The following RIN3 variants were observed in gnomAD, a reference collection of about 807,000 sequenced individuals.
The protein encoded by RIN3 is Ras and Rab interactor 3.
A neutral mutation model predicts 76.3 loss-of-function variants in RIN3; 54 were observed. The observed-to-expected ratio is 0.71, with a 90% CI of 0.57 to 0.89. The LOEUF is 0.89. RIN3 is among the 40% of genes least tolerant of loss of function. The pLI is 0.00. For missense variants in RIN3, 1,256 were observed against 1,322.1 expected (o/e 0.95, Z 0.78); for synonymous variants, 576 against 564.0 (o/e 1.02, Z -0.30).
chr14:92,570,395 G>A (rs1021409952), intron 2 of RIN3, among the ~76,000 whole-genome samples: 7 of 152,142 alleles, frequency 4.6e-5, no homozygotes, highest in Non-Finnish European at 7.4e-5. Flanking sequence ...AGGCGCGGTG[G>A]CTCACGCCTG....
chr14:92,520,245 C>T (rs1896560145), intron 1 of RIN3, among the ~76,000 whole-genome samples: 1 of 152,232 alleles, frequency 6.6e-6, no homozygotes, highest in African/African-American at 2.4e-5. Flanking sequence ...CGTGACGGCA[C>T]ACACTCAGGC....
At chr14:92,657,819 C>A (rs951928730) in intron 6 of RIN3, among the ~76,000 whole-genome samples, 1 of 152,164 alleles carries the variant, frequency 6.6e-6, no homozygotes, top group African/African-American at 2.4e-5. Context: ...CAGCAAGGGA[C>A]CCAGGATGGC....
At chr14:92,565,318 T>C (rs1277862985) in intron 2 of RIN3, among the ~76,000 whole-genome samples, 1 of 152,106 alleles carries the variant, frequency 6.6e-6, no homozygotes, top group Non-Finnish European at 1.5e-5. Flanking sequence ...AGAGGGGGTC[T>C]GGGGAAGGAA....
intron 7 of RIN3, among the ~76,000 whole-genome samples, chr14:92,674,889 C>CAAAAA (rs34494858): frequency 1.7e-5 from 2 of 118,542 alleles, no homozygotes; most frequent in South Asian, 2.7e-4. Flanking sequence ...AACTCTGTCT[C>CAAAAA]AAAAAAAAAA....
chr14:92,562,420 T>G (rs2140042930), intron 2 of RIN3, among the ~76,000 whole-genome samples: 1 of 152,328 alleles, frequency 6.6e-6, no homozygotes, highest in East Asian at 1.9e-4. Context: ...AATGGGGAAT[T>G]ATGCTCCACC....
In RIN3 at chr14:92,623,028, G is replaced by A. The variant is rs1384253636; in HGVS notation, c.440+7549G>A. 2.0e-5 allele frequency among the ~76,000 whole-genome samples: 3 copies of A among 152,204 alleles called. No homozygotes were observed. The highest frequency in any genetic ancestry group is 1.9e-4 in the East Asian group (1 of 5,204). ...TCTATAAGTCTTTGGACTAGTCCACGAATGCAGGGCATGATGCAGCATCCA... is the reference window on the plus strand; with the variant it reads ...TCTATAAGTCTTTGGACTAGTCCACAAATGCAGGGCATGATGCAGCATCCA... On this transcript the variant is annotated intron_variant, in intron 4 of 9. Coordinates refer to ENST00000216487, the MANE Select transcript of RIN3 (RefSeq NM_024832.5). The surrounding 1 kb of genome is among the most constrained non-coding windows in gnomAD (Gnocchi z 4.9).
rs1241581477 is a variant in RIN3, at chr14:92,676,603, G to T, written c.2464G>T (p.Glu822Ter). 2 of 1,613,178 alleles carry T rather than the reference G, an allele frequency of 1.2e-6. No homozygotes were observed. Among genetic ancestry groups the T allele is most frequent in the Non-Finnish European group, 1.7e-6 (2 of 1,179,652 alleles). Residue 822 changes from glutamate to a stop codon, truncating the protein, a stop_gained, in exon 8 of 10, where the codon GAG becomes TAG. Coordinates refer to ENST00000216487, the MANE Select transcript of RIN3 (RefSeq NM_024832.5). LOFTEE classifies it high-confidence loss of function. Reference sequence around the variant, plus strand: ...CATGGACCCCGCCCTGCAGCTGGGGGAGGGTGAGTCACCACCCCCTGCCCA... The same window carrying T: ...CATGGACCCCGCCCTGCAGCTGGGGTAGGGTGAGTCACCACCCCCTGCCCA... ...ELMDPALQLG[E>*]GSYYLTTTYG...
chr14:92,666,188 C>T (rs1346149573), intron 7 of RIN3, among the ~76,000 whole-genome samples: 5 of 152,212 alleles, frequency 3.3e-5, no homozygotes, highest in African/African-American at 1.2e-4. Flanking sequence ...CACCCACCTG[C>T]CTCATTGCTA....
Position 92,577,354 on chromosome 14 carries a change from T to C in RIN3, c.250-6T>C. On this transcript the variant is annotated splice_polypyrimidine_tract_variant and splice_region_variant and intron_variant, in intron 2 of 9. Coordinates refer to ENST00000216487, the MANE Select transcript of RIN3 (RefSeq NM_024832.5). ...CACGGAGCTGCATCCCCTTCTTTGG[T>C]TTCAGATGTTCCTGGTTCGCCGGGA... The C allele has an allele frequency of 6.2e-7, 1 of 1,607,976 alleles. No individual in the cohort carries two copies. Among genetic ancestry groups the C allele is most frequent in the Middle Eastern group, 1.7e-4 (1 of 6,040 alleles).
intron 3 of RIN3, among the ~76,000 whole-genome samples, chr14:92,597,170 A>T (rs904874377): frequency 3.2e-5 from 3 of 94,376 alleles, no homozygotes; most frequent in Non-Finnish European, 7.8e-5. Context: ...GTGTTTATAT[A>T]TATTATTTTT....
At chr14:92,642,390 C>T (rs1887047830) in intron 5 of RIN3, among the ~76,000 whole-genome samples, 1 of 152,154 alleles carries the variant, frequency 6.6e-6, no homozygotes, top group South Asian at 2.1e-4. Context: ...AGCCACTGCG[C>T]CCGGCCCTGA....
intron 5 of RIN3, among the ~76,000 whole-genome samples, chr14:92,641,580 A>G (rs182074978): frequency 6.6e-6 from 1 of 152,332 alleles, no homozygotes; most frequent in African/African-American, 2.4e-5. Flanking sequence ...GGGCCTGGTC[A>G]GGACCAGAGA....
intron 3 of RIN3, among the ~76,000 whole-genome samples, chr14:92,602,596 A>G (rs1210804539): frequency 6.6e-6 from 1 of 152,214 alleles, no homozygotes; most frequent in Non-Finnish European, 1.5e-5. Context: ...AGAGCCTGGC[A>G]CAGTGAGCAC....
intron 3 of RIN3, among the ~76,000 whole-genome samples, chr14:92,614,361 G>A (rs937444509): frequency 3.3e-5 from 5 of 152,168 alleles, no homozygotes; most frequent in African/African-American, 1.2e-4. Flanking sequence ...GGCCTCTACT[G>A]GGCCTCAGAA....
Position 92,626,812 on chromosome 14 carries a change from G to T in RIN3, c.440+11333G>T, listed in dbSNP as rs978715222. On this transcript the variant is annotated intron_variant, in intron 4 of 9. Transcript: ENST00000216487. The stretch of plus-strand genomic sequence containing the variant: ...AGGAGTTGGGATCCCTCTGCCTAGG[G>T]GTTGGTTTTACTACGCCTTCCCCTG... Among the ~76,000 whole-genome samples, 5 of 152,198 alleles carry T rather than the reference G, an allele frequency of 3.3e-5. No individual in the cohort carries two copies. The South Asian group carries it at 1.0e-3, about 32-fold the overall frequency.
chr14:92,653,132 AG>A, intron 6 of RIN3, 57 bp downstream of exon 6: 1 of 1,522,380 alleles, frequency 6.6e-7, no homozygotes. Flanking sequence ...TCACAGACTC[AG>A]GAACCCCTTA....
intron 8 of RIN3, among the ~76,000 whole-genome samples, chr14:92,680,729 TTCTGTGTTCGACAGAAAG>T (rs1406896503): frequency 1.2e-4 from 19 of 152,316 alleles, no homozygotes; most frequent in African/African-American, 4.6e-4. Flanking sequence ...GAGCAAGCCA[TTCTGTGTTCGACAGAAAG>T]CCTGCAAGTT....
At chr14:92,557,023 C>A (rs1019427677) in intron 2 of RIN3, among the ~76,000 whole-genome samples, 23 of 152,212 alleles carry the variant, frequency 1.5e-4, no homozygotes, top group African/African-American at 5.3e-4. Context: ...TACACTCCCT[C>A]CCCCTTCTCC....
intron 1 of RIN3, among the ~76,000 whole-genome samples, chr14:92,528,908 C>T (rs1012165634): frequency 1.6e-4 from 25 of 152,284 alleles, no homozygotes; most frequent in African/African-American, 5.3e-4. Context: ...CAAGTAGCCC[C>T]TTTTCCTCCA....
Sources: allele counts gnomAD v4.1 joint callset (sites outside exome capture counted in the v4.1 genomes callset), GRCh38; gene constraint gnomAD v4.1.1; non-coding constraint Gnocchi (gnomAD v3.1); transcripts MANE v1.5; gene names NCBI Gene and HGNC (gene_info 2026-07-23, HGNC 2026-07-21).